The following TLN2 variants were observed in gnomAD, a reference collection of about 807,000 sequenced individuals.
TLN2 encodes talin 2.
In TLN2, 118 loss-of-function variants were observed where a neutral mutation model predicts 294.7. The ratio of observed to expected loss-of-function variants is 0.40; its 90% CI spans 0.34 to 0.47. The LOEUF is 0.47. Among genes scored for constraint, TLN2 ranks in the 20% least tolerant of loss-of-function variants. TLN2 has a pLI of 0.84. For missense variants in TLN2, 3,083 were observed against 3,282.2 expected, an observed-to-expected ratio of 0.94 and a Z score of 1.48; for synonymous variants, 1,431 against 1,304.5, an observed-to-expected ratio of 1.10 and a Z score of -2.09.
chr15:62,837,837 C>G lies in TLN2; in HGVS notation c.7375-1019C>G, dbSNP rs147453795. 9.4e-3 allele frequency among the ~76,000 whole-genome samples: 1,428 copies of G among 152,314 alleles called. 24 individuals carry two copies. The highest frequency in any genetic ancestry group is 0.033 in the African/African-American group (1,356 of 41,566). ...AAGCCCTCATAGTTTGCATTGGTCA[C>G]TTTAGTTCACAGACCAGATGGGGCA... On this transcript the variant is annotated intron_variant, in intron 57 of 58. Coordinates refer to ENST00000636159, the MANE Select transcript of TLN2 (RefSeq NM_015059.3).
At position 62,711,957 on chromosome 15, in the gene TLN2, C is replaced by T; in HGVS notation, c.2514C>T (p.Asp838=). ...GGGTTCTGGCCCAAGCCACATCAGA[C>T]CTCGTCAATGCCATGAGGTCAGATG... ...QARVLAQATS[D]LVNAMRSDAE... Residue 838 remains aspartate, a synonymous_variant, in exon 22 of 59, where the codon GAC becomes GAT. Coordinates refer to ENST00000636159, the MANE Select transcript of TLN2 (RefSeq NM_015059.3). 6.2e-7 allele frequency: 1 copy of T among 1,614,040 alleles called. No individual in the cohort carries two copies. Among genetic ancestry groups the T allele is most frequent in the African/African-American group, 1.3e-5 (1 of 75,062 alleles).
chr15:62,784,180 C>G (rs937182327), intron 45 of TLN2: 1 of 424,234 alleles, frequency 2.4e-6, no homozygotes, highest in East Asian at 3.4e-5. Flanking sequence ...GCCCTGTCAC[C>G]TGTCTCTTTT....
At chr15:62,501,449 C>T (rs1018721604) in intron 1 of TLN2, among the ~76,000 whole-genome samples, 1 of 152,148 alleles carries the variant, frequency 6.6e-6, no homozygotes, top group African/African-American at 2.4e-5. Context: ...AGCGACCCTC[C>T]CACAAGGTTG....
In TLN2 at chr15:62,702,069, A is replaced by C; in HGVS notation, c.1774A>C (p.Lys592Gln). 6.2e-7 allele frequency: 1 copy of C among 1,614,250 alleles called. No homozygotes were observed. The highest frequency in any genetic ancestry group is 8.5e-7 in the Non-Finnish European group (1 of 1,180,050). The change falls in exon 18 of 59, where the codon AAG becomes CAG. Residue 592 changes from lysine (K) to glutamine (Q), a missense_variant. Transcript: ENST00000636159. ...TISSNLTEMS[K>Q]GVKLLAALMD... is the part of the protein sequence containing the mutation. The stretch of plus-strand genomic sequence containing the variant: ...TTCTTCCAACCTGACGGAGATGTCC[A>C]AGGGTGTGAAGCTATTGGCCGCCCT...
chr15:62,394,311 T>C (rs2032346321), intron 1 of TLN2, among the ~76,000 whole-genome samples: 1 of 152,208 alleles, frequency 6.6e-6, no homozygotes, highest in Non-Finnish European at 1.5e-5. Context: ...TTTTGAGTCA[T>C]AATGTTTTCC....
intron 3 of TLN2, among the ~76,000 whole-genome samples, chr15:62,643,288 C>T (rs541175149): frequency 2.0e-4 from 31 of 151,978 alleles, no homozygotes; most frequent in African/African-American, 6.8e-4. Context: ...TTATCTCAAG[C>T]TTGGAAAAAC....
At chr15:62,812,933 G>T (rs2066806520) in intron 52 of TLN2, among the ~76,000 whole-genome samples, 1 of 152,186 alleles carries the variant, frequency 6.6e-6, no homozygotes, top group South Asian at 2.1e-4. Flanking sequence ...TGGCCACCCA[G>T]TCGCTATGTC....
intron 1 of TLN2, among the ~76,000 whole-genome samples, chr15:62,478,335 C>T (rs553001421): frequency 5.9e-5 from 9 of 151,946 alleles, no homozygotes; most frequent in African/African-American, 2.2e-4. Context: ...TTATTATTTG[C>T]ATCCTAGGTT....
intron 1 of TLN2, among the ~76,000 whole-genome samples, chr15:62,457,578 C>T (rs1391388512): frequency 6.6e-6 from 1 of 152,084 alleles, no homozygotes; most frequent in Non-Finnish European, 1.5e-5. Context: ...TTCCAGTGAC[C>T]CAGGGAGAGT....
chr15:62,521,809 G>A (rs181850695), intron 1 of TLN2, among the ~76,000 whole-genome samples: 2 of 152,270 alleles, frequency 1.3e-5, no homozygotes, highest in African/African-American at 4.8e-5. Flanking sequence ...AGATGGTTTT[G>A]CAGGGCCATT....
chr15:62,835,992 G>C lies in TLN2; in HGVS notation c.7293G>C (p.Gln2431His), dbSNP rs777681033. 6 of 1,613,890 alleles carry C rather than the reference G, an allele frequency of 3.7e-6. No individual in the cohort carries two copies. The South Asian group carries it at 5.5e-5, about 15-fold the overall frequency. The change falls in exon 57 of 59, where the codon CAG becomes CAC. Residue 2431 changes from glutamine to histidine, a missense_variant. Gln to His is a conservative substitution (Grantham distance 24). Transcript: ENST00000636159. ...AGAAGCTCATCTCATCTGCCAAGCA[G>C]GTCGCCGCTTCCACGGCTCAGCTGC... is the stretch of plus-strand genomic sequence containing the variant. ...SEEKLISSAK[Q>H]VAASTAQLLV...
At chr15:62,485,666 A>G (rs998878207) in intron 1 of TLN2, among the ~76,000 whole-genome samples, 1 of 152,182 alleles carries the variant, frequency 6.6e-6, no homozygotes, top group African/African-American at 2.4e-5. Context: ...TCCCCTGCTT[A>G]GTTAAATCAG....
Position 62,706,026 on chromosome 15 carries a change from A to G in TLN2, c.2005-1060A>G, listed in dbSNP as rs377624700. On this transcript the variant is annotated intron_variant, in intron 19 of 58. Coordinates refer to ENST00000636159, the MANE Select transcript of TLN2 (RefSeq NM_015059.3). ...TTGTGCAGGCTGAATATTATTTCCA[A>G]TGTATCTTCTCATAAAATATCTCAC... Among the ~76,000 whole-genome samples, 91 of 152,328 alleles carry G rather than the reference A, an allele frequency of 6.0e-4. No homozygotes were observed. In the East Asian group the frequency reaches 6.0e-3, roughly 10 times the overall value.
chr15:62,398,893 G>T (rs768179139), intron 1 of TLN2, among the ~76,000 whole-genome samples: 4 of 152,114 alleles, frequency 2.6e-5, no homozygotes, highest in African/African-American at 9.7e-5. Context: ...GCAGAAATTT[G>T]CATAAGTAAC....
Position 62,752,501 on chromosome 15 carries a change from G to A in TLN2, c.4332+74G>A. ...TGGGAGGTGTGGGGGAACTCCAGCT[G>A]CACCTCTTTCTCCAAGTACCACCAC... On this transcript the variant is annotated intron_variant, in intron 35 of 58. Transcript: ENST00000636159. The A allele has an allele frequency of 5.1e-6, 8 of 1,563,854 alleles. No individual in the cohort carries two copies. The South Asian group carries it at 5.9e-5, about 12-fold the overall frequency.
intron 1 of TLN2, among the ~76,000 whole-genome samples, chr15:62,523,592 C>G (rs1486043489): frequency 6.6e-6 from 1 of 152,126 alleles, no homozygotes; most frequent in Non-Finnish European, 1.5e-5. Flanking sequence ...GTTCACAAAT[C>G]CATTGGCGTA....
chr15:62,555,759 T>A (rs1250726285), intron 1 of TLN2, among the ~76,000 whole-genome samples: 1 of 152,176 alleles, frequency 6.6e-6, no homozygotes, highest in Non-Finnish European at 1.5e-5. Context: ...GTGCCAGTTT[T>A]AAATATCTTT....
At chr15:62,645,440 G>A (rs2051714586) in intron 3 of TLN2, 1 of 152,238 alleles carries the variant, frequency 6.6e-6, no homozygotes, top group Non-Finnish European at 1.5e-5. Flanking sequence ...CATTCAGAAT[G>A]CAAGCAGGGG....
At chr15:62,761,920 A>G in intron 38 of TLN2, 99 bp downstream of exon 38, 2 of 1,491,146 alleles carry the variant, frequency 1.3e-6, no homozygotes, top group Non-Finnish European at 1.9e-6. Flanking sequence ...TCTCTCTGTC[A>G]ACATGTAGGC....
Sources: allele counts gnomAD v4.1 joint callset (sites outside exome capture counted in the v4.1 genomes callset), GRCh38; gene constraint gnomAD v4.1.1; transcripts MANE v1.5; gene names NCBI Gene and HGNC (gene_info 2026-07-23, HGNC 2026-07-21).